Variants in METTL21C observed in about 807,000 individuals in gnomAD.
METTL21C encodes protein-lysine methyltransferase METTL21C.
METTL21C carries 21 observed loss-of-function variants against 25.9 expected under a neutral mutation model. That is an observed-to-expected ratio of 0.81 (90% CI 0.58 to 1.17). The LOEUF is 1.17. Among genes scored for constraint, METTL21C ranks in the 50% most tolerant of loss-of-function variants. The probability of loss-of-function intolerance (pLI) is 0.00; values close to 1 mark genes in which losing one functional copy is unlikely to be tolerated. For missense variants in METTL21C, 312 were observed against 315.1 expected (o/e 0.99, Z 0.07); for synonymous variants, 125 against 124.7 (o/e 1.00, Z -0.01).
rs1294649639 is a variant in METTL21C at position 102,694,650 on chromosome 13, A to T, written c.-152T>A. ...GAATTGGAAATGACTCCTTGTTAGTATGCCCAAAATAATTTTGAATTGTTA... is the reference window on the plus strand; with the variant it reads ...GAATTGGAAATGACTCCTTGTTAGTTTGCCCAAAATAATTTTGAATTGTTA... On this transcript the variant is annotated 5_prime_UTR_variant, in exon 1 of 4. Coordinates refer to ENST00000267273, the MANE Select transcript of METTL21C (RefSeq NM_001010977.3). 1 of 226,204 alleles carries T rather than the reference A, an allele frequency of 4.4e-6. No homozygotes were observed. The highest frequency in any genetic ancestry group is 7.8e-6 in the Non-Finnish European group (1 of 127,492). The allele number at this position is 226,204 out of a possible 1,614,324, so 14.0% of individuals were successfully genotyped here.
At chr13:102,699,071 C>G (rs540019844), upstream of METTL21C, among the ~76,000 whole-genome samples, 35 of 152,160 alleles carry the variant, frequency 2.3e-4, no homozygotes, top group Non-Finnish European at 4.9e-4. Context: ...TTGTGGGAAG[C>G]CTTGCACCAA....
upstream of METTL21C, among the ~76,000 whole-genome samples, chr13:102,698,683 A>G (rs1885985329): frequency 6.6e-6 from 1 of 151,974 alleles, no homozygotes; most frequent in South Asian, 2.1e-4. Context: ...GATCCCCTTT[A>G]AAACCCCAAC....
At chr13:102,696,516 AAAAT>A (rs550029775), upstream of METTL21C, among the ~76,000 whole-genome samples, 56 of 152,170 alleles carry the variant, frequency 3.7e-4, no homozygotes, top group African/African-American at 1.2e-3. Flanking sequence ...AAGTATAATA[AAAAT>A]AAATAAATAA....
At chr13:102,702,867 A>T in the METTL21C span, among the ~76,000 whole-genome samples, 1 of 152,232 alleles carries the variant, frequency 6.6e-6, no homozygotes, top group Non-Finnish European at 1.5e-5. Flanking sequence ...CTAGGATTAC[A>T]GCCGTGAGCC....
At position 102,694,502 on chromosome 13, in the gene METTL21C, C is replaced by CTGA; in HGVS notation, c.-5_-4insTCA. 2.5e-6 allele frequency: 1 copy of CTGA among 402,312 alleles called. No homozygotes were observed. Among genetic ancestry groups the CTGA allele is most frequent in the Admixed American group, 1.6e-4 (1 of 6,374 alleles). 24.9% of individuals were successfully genotyped at this position (402,312 alleles called of 1,614,324 possible). On this transcript the variant is annotated 5_prime_UTR_variant, in exon 1 of 4. Transcript: ENST00000267273. ...CGGAGCTCAGACACACGTCCATAGC[C>CTGA]GGCTGTCCCAAAGACAGCTGTGCAT...
upstream of METTL21C, among the ~76,000 whole-genome samples, chr13:102,697,222 A>C (rs1322815145): frequency 6.6e-6 from 1 of 152,186 alleles, no homozygotes; most frequent in African/African-American, 2.4e-5. Flanking sequence ...TCTCTCTGTC[A>C]GGATGGGCAC....
At chr13:102,689,057 A>G (rs998598570) in intron 2 of METTL21C, among the ~76,000 whole-genome samples, 1 of 151,918 alleles carries the variant, frequency 6.6e-6, no homozygotes, top group Non-Finnish European at 1.5e-5. Flanking sequence ...AAACAGGGGG[A>G]CAAATATTCT....
the METTL21C span, among the ~76,000 whole-genome samples, chr13:102,700,438 GA>G: frequency 6.6e-6 from 1 of 152,060 alleles, no homozygotes. Flanking sequence ...TGTAATTTTA[GA>G]AAAATCTCCA....
At chr13:102,695,387 T>A (rs1735014102), upstream of METTL21C, among the ~76,000 whole-genome samples, 1 of 152,062 alleles carries the variant, frequency 6.6e-6, no homozygotes, top group Admixed American at 6.5e-5. Flanking sequence ...TAAGGGATAG[T>A]CAAAAGGGAA....
the METTL21C span, among the ~76,000 whole-genome samples, chr13:102,700,104 C>A: frequency 6.6e-6 from 1 of 152,200 alleles, no homozygotes; most frequent in African/African-American, 2.4e-5. Flanking sequence ...AGATGACCAA[C>A]ATTACCAGTG....
rs1555308795 is a variant in METTL21C, at chr13:102,689,095, A to AATT, written c.282+1715_282+1717dup. Among the ~76,000 whole-genome samples, 63 of 151,648 alleles carry AATT rather than the reference A, an allele frequency of 4.2e-4. No individual in the cohort carries two copies. The East Asian group carries it at 7.0e-3, about 17-fold the overall frequency. ...TTTCAATTTCTGATCTTTTTTTTAA[A>AATT]ATTATTATTTTTAAAAGGGAGATGG... On this transcript the variant is annotated intron_variant, in intron 2 of 3. Transcript: ENST00000267273.
At chr13:102,698,703 T>A (rs889021156), upstream of METTL21C, among the ~76,000 whole-genome samples, 1 of 152,060 alleles carries the variant, frequency 6.6e-6, no homozygotes, top group East Asian at 1.9e-4. Flanking sequence ...CTCAGAACTC[T>A]CGGGGAGATG....
At chr13:102,701,582 C>G in the METTL21C span, among the ~76,000 whole-genome samples, 1 of 151,986 alleles carries the variant, frequency 6.6e-6, no homozygotes, top group Non-Finnish European at 1.5e-5. Context: ...GGTTTGTTAT[C>G]ACACATACTT....
intron 2 of METTL21C, among the ~76,000 whole-genome samples, chr13:102,688,594 C>T (rs945885610): frequency 1.3e-5 from 2 of 152,084 alleles, no homozygotes; most frequent in African/African-American, 4.8e-5. Context: ...CTGCAGGGAG[C>T]TCCAGAGCTT....
chr13:102,686,368 A>G lies in METTL21C; in HGVS notation c.458T>C (p.Leu153Pro). The change falls in exon 4 of 4, where the codon CTT becomes CCT. Residue 153 changes from leucine to proline, a missense_variant. Physicochemically the swap from Leu to Pro is moderately conservative, Grantham distance 98 (BLOSUM62 -3). Transcript: ENST00000267273. ...TGTACATTGTAGTGTGTTTTTTAAA[A>G]GATTGTATTGAAGGTTTCCCAGGAC... ...PDVLGNLQYNLLKNTLQCTAH... is the reference protein window; with the variant it reads ...PDVLGNLQYNPLKNTLQCTAH... The G allele has an allele frequency of 1.9e-6, 3 of 1,614,142 alleles. No homozygotes were observed. Among genetic ancestry groups the G allele is most frequent in the Non-Finnish European group, 2.5e-6 (3 of 1,180,010 alleles).
the METTL21C span, among the ~76,000 whole-genome samples, chr13:102,703,845 C>T: frequency 1.3e-5 from 2 of 152,196 alleles, no homozygotes; most frequent in African/African-American, 2.4e-5. Flanking sequence ...GATTAAACTT[C>T]TTCCTTCCCT....
rs538009090 is a variant in METTL21C at position 102,688,742 on chromosome 13, A to G, written c.283-1685T>C. ...GCCATTCAGAGGGCAGCTCTGAGGA[A>G]CTTCCTGGAGATGGCTGCAGGGGTC... On this transcript the variant is annotated intron_variant, in intron 2 of 3. Coordinates refer to ENST00000267273, the MANE Select transcript of METTL21C (RefSeq NM_001010977.3). 2.0e-5 allele frequency among the ~76,000 whole-genome samples: 3 copies of G among 152,268 alleles called. No homozygotes were observed. In the South Asian group the frequency reaches 6.2e-4, roughly 32 times the overall value.
At chr13:102,693,217 G>A (rs1380051005) in intron 1 of METTL21C, among the ~76,000 whole-genome samples, 1 of 152,158 alleles carries the variant, frequency 6.6e-6, no homozygotes, top group Non-Finnish European at 1.5e-5. Context: ...AATAATTGAT[G>A]ATGAGTTTTG....
chr13:102,690,293 C>T (rs1885794230), intron 2 of METTL21C, among the ~76,000 whole-genome samples: 1 of 152,056 alleles, frequency 6.6e-6, no homozygotes, highest in East Asian at 1.9e-4. Flanking sequence ...TGGTGGCGCG[C>T]ACCTGTAGTC....
Sources: allele counts gnomAD v4.1 joint callset (sites outside exome capture counted in the v4.1 genomes callset), GRCh38; gene constraint gnomAD v4.1.1; transcripts MANE v1.5; gene names NCBI Gene and HGNC (gene_info 2026-07-23, HGNC 2026-07-21).